The following ANTXRL variants were observed in gnomAD, a reference collection of about 807,000 sequenced individuals.
ANTXRL encodes the protein anthrax toxin receptor-like.
A neutral mutation model predicts 75.4 loss-of-function variants in ANTXRL; 63 were observed. That is an observed-to-expected ratio of 0.84 (90% CI 0.68 to 1.03). ANTXRL has a LOEUF of 1.03. Among genes scored for constraint, ANTXRL ranks in the 50% least tolerant of loss-of-function variants. The probability of loss-of-function intolerance (pLI) is 0.00; values close to 1 mark genes in which losing one functional copy is unlikely to be tolerated. For synonymous variants in ANTXRL, 335 were observed against 291.3 expected (o/e 1.15, Z -1.53); for missense variants, 797 against 789.4 (o/e 1.01, Z -0.12).
At chr10:46,301,138 G>A (rs1346006499) in intron 9 of ANTXRL, among the ~76,000 whole-genome samples, 38 of 152,224 alleles carry the variant, frequency 2.5e-4, no homozygotes, top group Non-Finnish European at 5.9e-5. Context: ...GGCCAAGTTG[G>A]GCTGACCAAG....
chr10:46,302,100 G>T (rs1214856391), intron 9 of ANTXRL, among the ~76,000 whole-genome samples: 1 of 152,178 alleles, frequency 6.6e-6, no homozygotes, highest in Non-Finnish European at 1.5e-5. Context: ...TAGTTCTCTG[G>T]AATCACAGCT....
rs144785591 is a variant in ANTXRL, at chr10:46,307,153, C to G, written c.966-249C>G. 4.6e-5 allele frequency among the ~76,000 whole-genome samples: 7 copies of G among 152,248 alleles called. No individual in the cohort carries two copies. The South Asian group carries it at 8.3e-4, about 18-fold the overall frequency. On this transcript the variant is annotated intron_variant, in intron 11 of 16. Transcript: ENST00000620264. ...GTTGCCTCTCAGAGTTAAGCCAACA[C>G]ACTCTGTAAATACAGAAGAGCCAGG...
In ANTXRL at chr10:46,293,874, G is replaced by C; in HGVS notation, c.366G>C (p.Gln122His). The change falls in exon 3 of 17, where the codon CAG (glutamine) becomes CAC (histidine). Residue 122 changes from glutamine to histidine, a missense_variant. By Grantham distance (24) the Gln-to-His change is conservative. Transcript: ENST00000620264. ...TCATCACCTACTCCACAGACGGCCA[G>C]ACTGTCTTGCCACTCACCTCAGACA... ...MCFITYSTDG[Q>H]TVLPLTSDKN... 6.5e-7 allele frequency: 1 copy of C among 1,535,740 alleles called. No individual in the cohort carries two copies. The highest frequency in any genetic ancestry group is 8.7e-7 in the Non-Finnish European group (1 of 1,146,682).
chr10:46,302,373 G>A (rs1374025722), intron 9 of ANTXRL, among the ~76,000 whole-genome samples: 3 of 152,144 alleles, frequency 2.0e-5, no homozygotes, highest in African/African-American at 4.8e-5. Context: ...CTGAGTGCAC[G>A]GCCTGCACAC....
intron 5 of ANTXRL, among the ~76,000 whole-genome samples, chr10:46,296,666 C>T (rs782026624): frequency 1.3e-5 from 2 of 152,174 alleles, no homozygotes; most frequent in Non-Finnish European, 2.9e-5. Flanking sequence ...CCCCAACTTC[C>T]CTCCCCACTG....
Position 46,287,439 on chromosome 10 carries a change from G to T in ANTXRL, c.177G>T (p.Arg59Ser), listed in dbSNP as rs1836811472. Residue 59 changes from arginine to serine, a missense_variant, in exon 1 of 17, where the codon AGG (arginine) becomes AGT (serine). By Grantham distance (110) the Arg-to-Ser change is moderately radical (BLOSUM62 -1). Around this residue, in one of 3 missense-constraint regions of ANTXRL, gnomAD observed 262 missense variants for 271.9 expected, o/e 0.96. Coordinates refer to ENST00000620264, the MANE Select transcript of ANTXRL (RefSeq NM_001278688.3). ...ACCACCACCATGGCCCAGGATGGAG[G>T]CAGCACTGGCGCCAGGGGCAAGCAG... ...RAHHHHGPGW[R>S]QHWRQGQAGH... 5 of 1,535,842 alleles carry T rather than the reference G, an allele frequency of 3.3e-6. No individual in the cohort carries two copies. In the South Asian group the frequency reaches 5.9e-5, roughly 18 times the overall value.
intron 9 of ANTXRL, among the ~76,000 whole-genome samples, chr10:46,300,849 G>T (rs4926078): frequency 0.29 from 44,455 of 151,876 alleles, 9,548 homozygotes; most frequent in African/African-American, 0.61. Flanking sequence ...TAGTTCTTTG[G>T]TTTTCTTCCA....
At position 46,297,590 on chromosome 10, in the gene ANTXRL, A is replaced by G. The variant is rs1276780196; in HGVS notation, c.654+116A>G. ...AAGCTGCCCCAAGTGAGTTGGGCCAACTCATGGCCACTGCAGAAGTGATTG... is the reference window on the plus strand; with the variant it reads ...AAGCTGCCCCAAGTGAGTTGGGCCAGCTCATGGCCACTGCAGAAGTGATTG... On this transcript the variant is annotated intron_variant, in intron 7 of 16. Coordinates refer to ENST00000620264, the MANE Select transcript of ANTXRL (RefSeq NM_001278688.3). 7.8e-6 allele frequency: 8 copies of G among 1,021,428 alleles called. No homozygotes were observed. The African/African-American group carries it at 1.1e-4, about 14-fold the overall frequency. The allele number at this position is 1,021,428 out of a possible 1,614,324, so 63.3% of individuals were successfully genotyped here.
intron 1 of ANTXRL, among the ~76,000 whole-genome samples, chr10:46,289,477 C>A (rs1185097364): frequency 8.5e-5 from 13 of 152,140 alleles, no homozygotes; most frequent in Admixed American, 2.6e-4. Flanking sequence ...TCCTGTAATC[C>A]CAGCAATTTG....
chr10:46,322,202 G>A (rs147935391), intron 16 of ANTXRL, among the ~76,000 whole-genome samples: 386 of 152,218 alleles, frequency 2.5e-3, no homozygotes, highest in Middle Eastern at 0.014. Context: ...GGCAACTGAA[G>A]GAAGTCCATC....
At chr10:46,321,828 C>T (rs1324763166) in intron 16 of ANTXRL, among the ~76,000 whole-genome samples, 6 of 152,062 alleles carry the variant, frequency 3.9e-5, no homozygotes, top group African/African-American at 4.8e-5. Context: ...CCAGTAGGAG[C>T]GTATCTGATT....
chr10:46,289,544 A>T (rs1397509600), intron 1 of ANTXRL, among the ~76,000 whole-genome samples: 1 of 152,090 alleles, frequency 6.6e-6, no homozygotes, highest in Non-Finnish European at 1.5e-5. Context: ...CCTGGGAAAC[A>T]TGCAAAATCC....
intron 9 of ANTXRL, 44 bp downstream of exon 9, chr10:46,298,106 ATGAGTG>A: frequency 8.0e-7 from 1 of 1,247,776 alleles, no homozygotes; most frequent in Non-Finnish European, 1.1e-6. Context: ...GGTGGTGTGC[ATGAGTG>A]CATGCGTGTA....
At chr10:46,325,434 A>C (rs1163595594) in intron 16 of ANTXRL, among the ~76,000 whole-genome samples, 2 of 152,148 alleles carry the variant, frequency 1.3e-5, no homozygotes, top group African/African-American at 4.8e-5. Flanking sequence ...GGAGAGGCAT[A>C]AGATTGTTAG....
At position 46,329,951 on chromosome 10, in the gene ANTXRL, G is replaced by C. The variant is rs1839417590; in HGVS notation, c.1763G>C (p.Cys588Ser). 1.3e-6 allele frequency: 2 copies of C among 1,534,098 alleles called. No homozygotes were observed. The highest frequency in any genetic ancestry group is 2.8e-5 in the African/African-American group (2 of 72,434). Residue 588 changes from cysteine (C) to serine (S), a missense_variant, in exon 17 of 17, where the codon TGC becomes TCC. Cys to Ser is a moderately radical substitution (Grantham distance 112). This residue lies in a region of ANTXRL where 479 missense variants were observed against 422.0 expected (regional missense o/e 1.14). Coordinates refer to ENST00000620264, the MANE Select transcript of ANTXRL (RefSeq NM_001278688.3). ...QPSRECLPLTCSSRCRLPPAR... is the reference protein window; with the variant it reads ...QPSRECLPLTSSSRCRLPPAR... ...AGCCGGGAGTGCCTCCCCCTCACCT[G>C]CTCCTCCAGGTGCCGCCTCCCCCCA...
chr10:46,300,688 A>T (rs541078582), intron 9 of ANTXRL, among the ~76,000 whole-genome samples: 101 of 152,082 alleles, frequency 6.6e-4, no homozygotes, highest in African/African-American at 2.1e-3. Context: ...GCCCTGTTCA[A>T]AGGGCACCTC....
intron 9 of ANTXRL, among the ~76,000 whole-genome samples, chr10:46,299,725 G>A (rs1302619521): frequency 2.0e-5 from 3 of 152,180 alleles, no homozygotes; most frequent in Admixed American, 6.5e-5. Context: ...ATGTCAGTGA[G>A]CTCCAGAAGT....
intron 16 of ANTXRL, among the ~76,000 whole-genome samples, chr10:46,328,364 T>C (rs1554966878): frequency 6.6e-6 from 1 of 152,126 alleles, no homozygotes; most frequent in East Asian, 1.9e-4. Context: ...GAGAACAGCC[T>C]TGGGGAAACC....
In ANTXRL at chr10:46,297,917, T is replaced by C; in HGVS notation, c.735+6T>C. The stretch of plus-strand genomic sequence containing the variant: ...TGAGAAGCACCATTGATGCCGTGAG[T>C]GGGCAGAGGTGAGGGGCTGGGGACC... On this transcript the variant is annotated splice_donor_region_variant and intron_variant, in intron 8 of 16. Coordinates refer to ENST00000620264, the MANE Select transcript of ANTXRL (RefSeq NM_001278688.3). 2.0e-6 allele frequency: 3 copies of C among 1,535,750 alleles called. No individual in the cohort carries two copies. Among genetic ancestry groups the C allele is most frequent in the Non-Finnish European group, 8.7e-7 (1 of 1,146,692 alleles).
Sources: gnomAD v4.1 joint callset for allele counts (sites outside exome capture counted in the v4.1 genomes callset) on GRCh38, gnomAD v4.1.1 for gene constraint, gnomAD v4.1.1 regional missense constraint, MANE v1.5 for transcripts, NCBI Gene and HGNC (gene_info 2026-07-23, HGNC 2026-07-21) for gene names.